Variants in TSHZ1 observed in about 807,000 individuals in gnomAD.
TSHZ1 encodes the protein teashirt zinc finger homeobox 1.
A neutral mutation model predicts 67.1 loss-of-function variants in TSHZ1; 12 were observed. The ratio of observed to expected loss-of-function variants is 0.18; its 90% confidence interval spans 0.11 to 0.29. TSHZ1 has a LOEUF of 0.29. TSHZ1 is among the 10% of genes least tolerant of loss of function. The pLI is 1.00. For synonymous variants in TSHZ1, 632 were observed against 622.4 expected, an observed-to-expected ratio of 1.02 and a Z score of -0.23; for missense variants, 1,305 against 1,413.9, an observed-to-expected ratio of 0.92 and a Z score of 1.23.
chr18:75,239,645 T>A (rs768126181), intron 1 of TSHZ1, among the ~76,000 whole-genome samples: 17 of 152,196 alleles, frequency 1.1e-4, no homozygotes, highest in Non-Finnish European at 2.5e-4. Flanking sequence ...GGACCGCAGA[T>A]GTGTCCTACC....
chr18:75,247,187 C>T (rs1256593426), intron 1 of TSHZ1, among the ~76,000 whole-genome samples: 5 of 152,112 alleles, frequency 3.3e-5, no homozygotes, highest in East Asian at 1.9e-4. Flanking sequence ...CACCACCGAC[C>T]GTACACCTTC....
At chr18:75,261,809 CG>C (rs1487870748) in intron 1 of TSHZ1, among the ~76,000 whole-genome samples, 1 of 152,148 alleles carries the variant, frequency 6.6e-6, no homozygotes, top group South Asian at 2.1e-4. Context: ...GTTTTGACGT[CG>C]GGGGTGCGTG....
chr18:75,241,988 C>A (rs1049477196), intron 1 of TSHZ1, among the ~76,000 whole-genome samples: 1 of 149,676 alleles, frequency 6.7e-6, no homozygotes, highest in Non-Finnish European at 1.5e-5. Flanking sequence ...TCTGCAAACA[C>A]CCTATTTCCA....
chr18:75,279,189 G>T (rs1284793848), intron 1 of TSHZ1, among the ~76,000 whole-genome samples: 5 of 152,142 alleles, frequency 3.3e-5, no homozygotes, highest in African/African-American at 9.7e-5. Context: ...AGTGATGTGG[G>T]GTGGAAGGGA....
chr18:75,260,658 T>G (rs1043686416), intron 1 of TSHZ1, among the ~76,000 whole-genome samples: 1 of 151,598 alleles, frequency 6.6e-6, no homozygotes, highest in East Asian at 1.9e-4. Context: ...GAGGGCAGAG[T>G]TGGGGAGGTG....
chr18:75,269,574 C>G (rs2023532994), intron 1 of TSHZ1, among the ~76,000 whole-genome samples: 1 of 152,108 alleles, frequency 6.6e-6, no homozygotes, highest in Admixed American at 6.5e-5. Context: ...ACAGAGGGAG[C>G]CTGGCTGGTG....
intron 1 of TSHZ1, among the ~76,000 whole-genome samples, chr18:75,214,876 A>G (rs1364737182): frequency 6.6e-6 from 1 of 152,092 alleles, no homozygotes; most frequent in African/African-American, 2.4e-5. Flanking sequence ...ATTAATGCGG[A>G]CAAATTCAGT....
intron 1 of TSHZ1, among the ~76,000 whole-genome samples, chr18:75,264,992 T>C (rs946369755): frequency 6.6e-6 from 1 of 152,232 alleles, no homozygotes; most frequent in South Asian, 2.1e-4. Context: ...GAGAGATTTT[T>C]TGGCTTAAAT....
chr18:75,219,682 G>C (rs1171594306), intron 1 of TSHZ1, among the ~76,000 whole-genome samples: 1 of 152,228 alleles, frequency 6.6e-6, no homozygotes, highest in African/African-American at 2.4e-5. Flanking sequence ...CAACAACGCA[G>C]TATTCTTCAG....
At position 75,287,232 on chromosome 18, in the gene TSHZ1, G is replaced by A. The variant is rs144455310; in HGVS notation, c.1825G>A (p.Val609Met). ...VQVQPSYAGG[V>M]KSLSSAEHNA... ...GGTGCAGCCGTCCTATGCTGGCGGCGTGAAGTCGCTGTCTTCCGCCGAGCA... is the reference window on the plus strand; with the variant it reads ...GGTGCAGCCGTCCTATGCTGGCGGCATGAAGTCGCTGTCTTCCGCCGAGCA... The change falls in exon 2 of 2, where the codon GTG (valine) becomes ATG (methionine). Residue 609 changes from valine (V) to methionine (M), a missense_variant. By Grantham distance (21) the Val-to-Met change is conservative. Coordinates refer to ENST00000580243, the MANE Select transcript of TSHZ1 (RefSeq NM_001308210.2). This position sits in a 1 kb window ranked among gnomAD's most constrained non-coding sequence, Gnocchi z 5.0. 169 of 1,613,884 alleles carry A rather than the reference G, an allele frequency of 1.0e-4. No homozygotes were observed. In the African/African-American group the frequency reaches 1.3e-3, roughly 12 times the overall value.
intron 1 of TSHZ1, among the ~76,000 whole-genome samples, chr18:75,233,320 A>G (rs917928491): frequency 4.6e-5 from 7 of 152,246 alleles, no homozygotes; most frequent in African/African-American, 1.7e-4. Context: ...GGAATTTGGA[A>G]TTAGTATTAT....
At chr18:75,230,129 A>C (rs1490269986) in intron 1 of TSHZ1, among the ~76,000 whole-genome samples, 1 of 152,252 alleles carries the variant, frequency 6.6e-6, no homozygotes. Context: ...TATCAAATTC[A>C]TATGAATCAT....
At chr18:75,249,956 G>T (rs372047608) in intron 1 of TSHZ1, among the ~76,000 whole-genome samples, 1 of 128,000 alleles carries the variant, frequency 7.8e-6, no homozygotes, top group Non-Finnish European at 1.6e-5. Flanking sequence ...CCTCTTCCTC[G>T]TCTCACCCCT....
intron 1 of TSHZ1, among the ~76,000 whole-genome samples, chr18:75,269,518 G>A (rs1003676066): frequency 1.3e-5 from 2 of 152,194 alleles, no homozygotes; most frequent in Non-Finnish European, 2.9e-5. Flanking sequence ...CAATGCTGGA[G>A]CCTGTTTGTC....
At position 75,287,088 on chromosome 18, in the gene TSHZ1, A is replaced by G; in HGVS notation, c.1681A>G (p.Thr561Ala). 6.2e-7 allele frequency: 1 copy of G among 1,614,134 alleles called. No homozygotes were observed. Among genetic ancestry groups the G allele is most frequent in the South Asian group, 1.1e-5 (1 of 91,080 alleles). Residue 561 changes from threonine to alanine, a missense_variant, in exon 2 of 2, where the codon ACG (threonine) becomes GCG (alanine). By Grantham distance (58) the Thr-to-Ala change is moderately conservative. Coordinates refer to ENST00000580243, the MANE Select transcript of TSHZ1 (RefSeq NM_001308210.2). The surrounding 1 kb of genome is among the most constrained non-coding windows in gnomAD (Gnocchi z 5.0). ...ILKSLENTVS[T>A]AISKAQNGAP... Reference sequence around the variant, plus strand: ...CAAGTCCCTGGAGAATACCGTCTCCACGGCCATTAGCAAAGCTCAGAATGG... The same window carrying G: ...CAAGTCCCTGGAGAATACCGTCTCCGCGGCCATTAGCAAAGCTCAGAATGG...
intron 1 of TSHZ1, among the ~76,000 whole-genome samples, chr18:75,247,384 T>C (rs2023237219): frequency 6.6e-6 from 1 of 152,208 alleles, no homozygotes; most frequent in South Asian, 2.1e-4. Context: ...TGGTTTTAAA[T>C]ATGCCATTTC....
At chr18:75,249,892 G>A (rs1260061780) in intron 1 of TSHZ1, among the ~76,000 whole-genome samples, 1 of 151,742 alleles carries the variant, frequency 6.6e-6, no homozygotes, top group Non-Finnish European at 1.5e-5. Context: ...TGCAGTTGGT[G>A]GGAGGTGCAT....
chr18:75,270,517 T>A (rs1356288477), intron 1 of TSHZ1, among the ~76,000 whole-genome samples: 3 of 152,212 alleles, frequency 2.0e-5, no homozygotes, highest in Non-Finnish European at 2.9e-5. Context: ...ATTACAAGTG[T>A]GCTGGGAAAA....
At chr18:75,253,141 T>A (rs1342152162) in intron 1 of TSHZ1, among the ~76,000 whole-genome samples, 1 of 152,240 alleles carries the variant, frequency 6.6e-6, no homozygotes, top group African/African-American at 2.4e-5. Flanking sequence ...GTTATTTATT[T>A]ATCTGTTTTT....
Sources: gnomAD v4.1 joint callset for allele counts (sites outside exome capture counted in the v4.1 genomes callset) on GRCh38, gnomAD v4.1.1 for gene constraint, Gnocchi (gnomAD v3.1) non-coding constraint, MANE v1.5 for transcripts, NCBI Gene and HGNC (gene_info 2026-07-23, HGNC 2026-07-21) for gene names.